Variants in PSTPIP2 observed in about 807,000 individuals in gnomAD.
PSTPIP2 encodes proline-serine-threonine phosphatase interacting protein 2.
Under a neutral mutation model 63.3 loss-of-function variants are expected in PSTPIP2, and 33 were observed. The ratio of observed to expected loss-of-function variants is 0.52; its 90% CI spans 0.40 to 0.70. The LOEUF (loss-of-function observed/expected upper bound fraction) is 0.70, where lower values mean the gene tolerates loss of function less well. PSTPIP2 is among the 30% of genes least tolerant of loss of function. The probability of loss-of-function intolerance (pLI) is 0.00; values close to 1 mark genes in which losing one functional copy is unlikely to be tolerated. For synonymous variants in PSTPIP2, 125 were observed against 132.7 expected (o/e 0.94, Z 0.40); for missense variants, 312 against 400.7 (o/e 0.78, Z 1.89).
chr18:46,011,059 A>G, intron 5 of PSTPIP2, 122 bp downstream of exon 5: 2 of 802,054 alleles, frequency 2.5e-6, no homozygotes, highest in Non-Finnish European at 4.2e-6. Context: ...GACTCCAGTA[A>G]GTAATTTCTC....
At chr18:46,066,473 C>A (rs1367061275) in intron 1 of PSTPIP2, among the ~76,000 whole-genome samples, 1 of 152,186 alleles carries the variant, frequency 6.6e-6, no homozygotes, top group African/African-American at 2.4e-5. Context: ...CAAGGCTGGC[C>A]ACTCAGACTT....
intron 2 of PSTPIP2, among the ~76,000 whole-genome samples, chr18:46,026,166 C>T (rs188911368): frequency 4.6e-5 from 7 of 152,226 alleles, no homozygotes; most frequent in Admixed American, 2.0e-4. Context: ...AAAGTCTTCT[C>T]AATTTCTACT....
At chr18:45,999,663 A>G (rs896780849) in intron 6 of PSTPIP2, 129 bp from the exon 7 acceptor site, 1 of 810,954 alleles carries the variant, frequency 1.2e-6, no homozygotes, top group Non-Finnish European at 2.0e-6. Flanking sequence ...TCACTAAGCC[A>G]TGGGCTCCCA....
At chr18:46,030,287 T>C (rs1376966985) in intron 2 of PSTPIP2, among the ~76,000 whole-genome samples, 1 of 152,092 alleles carries the variant, frequency 6.6e-6, no homozygotes, top group African/African-American at 2.4e-5. Context: ...TGATAATATA[T>C]GGAAAATGGC....
At chr18:46,059,055 G>A (rs958567574) in intron 1 of PSTPIP2, among the ~76,000 whole-genome samples, 1 of 144,914 alleles carries the variant, frequency 6.9e-6, no homozygotes, top group African/African-American at 2.6e-5. Flanking sequence ...TTTTTTTTGT[G>A]AGATAGGGTC....
chr18:46,050,427 C>A (rs1191258283), intron 1 of PSTPIP2, among the ~76,000 whole-genome samples: 1 of 152,064 alleles, frequency 6.6e-6, no homozygotes, highest in African/African-American at 2.4e-5. Context: ...TAAAAATTAG[C>A]CAGGCATGGT....
chr18:46,011,307 A>G lies in PSTPIP2; in HGVS notation c.248-20T>C, dbSNP rs688547. On this transcript the variant is annotated intron_variant, in intron 4 of 14. Coordinates refer to ENST00000409746, the MANE Select transcript of PSTPIP2 (RefSeq NM_024430.4). ...CTACTTCTGCAAAAAAGAATTAAAA[A>G]AAAAATCAAGGTCTACATATGTCTG... 0.11 allele frequency: 179,631 copies of G among 1,582,224 alleles called. 13,780 individuals carry two copies. Among genetic ancestry groups the G allele is most frequent in the East Asian group, 0.4 (17,982 of 44,688 alleles).
At chr18:46,068,876 C>A (rs1312733740) in intron 1 of PSTPIP2, among the ~76,000 whole-genome samples, 1 of 152,082 alleles carries the variant, frequency 6.6e-6, no homozygotes, top group East Asian at 1.9e-4. Context: ...TCCAGAATGA[C>A]AAGATTCCAA....
chr18:46,023,526 T>C (rs1907452899), intron 3 of PSTPIP2, among the ~76,000 whole-genome samples: 1 of 151,844 alleles, frequency 6.6e-6, no homozygotes, highest in Non-Finnish European at 1.5e-5. Context: ...GCCATTGCAC[T>C]CCAGCCTGGG....
rs539671880 is a variant in PSTPIP2 at position 45,985,125 on chromosome 18, T to G, written c.*334A>C. On this transcript the variant is annotated 3_prime_UTR_variant, in exon 15 of 15. Transcript: ENST00000409746. ...CTGCAGTTGGTGGCTCAGAATCCTC[T>G]GCTGCCACCTCTGCTCCTCAAGTGG... 7 of 342,382 alleles carry G rather than the reference T, an allele frequency of 2.0e-5. No homozygotes were observed. In the South Asian group the frequency reaches 3.6e-4, roughly 17 times the overall value. The allele number at this position is 342,382 out of a possible 1,614,324, so 21.2% of individuals were successfully genotyped here. A position where few individuals can be genotyped will look rare whatever the true frequency, so the allele number is the denominator to read the frequency against.
intron 3 of PSTPIP2, among the ~76,000 whole-genome samples, chr18:46,018,936 T>C (rs1490594165): frequency 3.9e-5 from 6 of 152,194 alleles, no homozygotes; most frequent in Admixed American, 1.3e-4. Flanking sequence ...CAATATCTAG[T>C]CTACCATGTT....
chr18:46,057,327 C>A (rs1908795080), intron 1 of PSTPIP2, among the ~76,000 whole-genome samples: 1 of 151,366 alleles, frequency 6.6e-6, no homozygotes, highest in Non-Finnish European at 1.5e-5. Flanking sequence ...TTTTTCTTTT[C>A]TTTTTCTTTT....
chr18:46,017,137 T>G (rs1417256399), intron 3 of PSTPIP2, among the ~76,000 whole-genome samples: 1 of 152,216 alleles, frequency 6.6e-6, no homozygotes, highest in Non-Finnish European at 1.5e-5. Context: ...TCTTTATTTT[T>G]CCTTCTTTCT....
chr18:46,066,048 A>G (rs935599786), intron 1 of PSTPIP2, among the ~76,000 whole-genome samples: 1 of 152,164 alleles, frequency 6.6e-6, no homozygotes, highest in Non-Finnish European at 1.5e-5. Flanking sequence ...TGTTAATATT[A>G]AAAACTATTG....
chr18:46,001,281 G>A (rs1480429111), intron 6 of PSTPIP2, among the ~76,000 whole-genome samples: 1 of 152,172 alleles, frequency 6.6e-6, no homozygotes, highest in Non-Finnish European at 1.5e-5. Flanking sequence ...TTTGATAACA[G>A]CCATCCTAAC....
chr18:46,028,675 A>T (rs1907681289), intron 2 of PSTPIP2: 1 of 867,146 alleles, frequency 1.2e-6, no homozygotes, highest in Non-Finnish European at 1.9e-6. Context: ...GACATGATGA[A>T]CAATCGGTTT....
At chr18:45,986,968 G>C (rs192164078) in intron 14 of PSTPIP2, among the ~76,000 whole-genome samples, 1 of 152,240 alleles carries the variant, frequency 6.6e-6, no homozygotes, top group Admixed American at 6.5e-5. Context: ...GTCCTAAGTA[G>C]CTGGGGCTAC....
intron 12 of PSTPIP2, among the ~76,000 whole-genome samples, chr18:45,991,412 A>G (rs2051531144): frequency 1.3e-5 from 2 of 152,248 alleles, no homozygotes; most frequent in South Asian, 2.1e-4. Context: ...CAAAGCAGCC[A>G]TAGACAAAAC....
intron 2 of PSTPIP2, among the ~76,000 whole-genome samples, chr18:46,032,881 A>G (rs1308726317): frequency 6.6e-6 from 1 of 152,204 alleles, no homozygotes; most frequent in Non-Finnish European, 1.5e-5. Context: ...ATGATCCTCA[A>G]TCTAGTGCTC....
Sources: allele counts gnomAD v4.1 joint callset (sites outside exome capture counted in the v4.1 genomes callset), GRCh38; gene constraint gnomAD v4.1.1; transcripts MANE v1.5; gene names NCBI Gene and HGNC (gene_info 2026-07-23, HGNC 2026-07-21).